NDST4: variants seen among roughly 807,000 people sequenced by gnomAD.
NDST4 encodes the protein N-heparan sulfate sulfotransferase 4.
Under a neutral mutation model 100.8 loss-of-function variants are expected in NDST4, and 63 were observed. The observed-to-expected ratio is 0.62, with a 90% CI of 0.51 to 0.77. The LOEUF is 0.77. Among genes scored for constraint, NDST4 ranks in the 30% least tolerant of loss-of-function variants. The probability of loss-of-function intolerance (pLI) is 0.00; values close to 1 mark genes in which losing one functional copy is unlikely to be tolerated. For missense variants in NDST4, 943 were observed against 1,018.4 expected (o/e 0.93, Z 1.01); for synonymous variants, 377 against 361.8 (o/e 1.04, Z -0.48).
chr4:114,906,684 T>C (rs1205429245), intron 6 of NDST4, among the ~76,000 whole-genome samples: 3 of 152,058 alleles, frequency 2.0e-5, no homozygotes, highest in Non-Finnish European at 4.4e-5. Flanking sequence ...TCTTAAGAGA[T>C]ATAGCTTATA....
chr4:115,091,828 C>T (rs483240), intron 1 of NDST4, among the ~76,000 whole-genome samples: 114,181 of 151,976 alleles, frequency 0.75, 43,672 homozygotes, highest in African/African-American at 0.88. Context: ...TTTTGAAATC[C>T]TTTCCAAAGT....
At position 114,998,833 on chromosome 4, in the gene NDST4, C is replaced by T. The variant is rs116304066; in HGVS notation, c.979-21559G>A. 5.6e-3 allele frequency among the ~76,000 whole-genome samples: 846 copies of T among 152,020 alleles called. 10 individuals carry two copies. The highest frequency in any genetic ancestry group is 0.02 in the African/African-American group (812 of 41,482). On this transcript the variant is annotated intron_variant, in intron 2 of 13. Coordinates refer to ENST00000264363, the MANE Select transcript of NDST4 (RefSeq NM_022569.3). ...GCTGGTAAATAAATTCCCTGTAGAC[C>T]TTGGGCTTGAATTTGGCTTGCCCTT...
intron 12 of NDST4, among the ~76,000 whole-genome samples, chr4:114,831,242 C>T (rs1477161890): frequency 6.7e-6 from 1 of 150,270 alleles, no homozygotes. Flanking sequence ...TTAGTAGAGA[C>T]GGGGTTTCAC....
intron 7 of NDST4, among the ~76,000 whole-genome samples, chr4:114,861,554 A>C (rs1319109166): frequency 6.6e-6 from 1 of 152,118 alleles, no homozygotes; most frequent in South Asian, 2.1e-4. Flanking sequence ...TTCTTGGTCC[A>C]TCATTAGAAT....
At chr4:115,060,609 G>C (rs1728798941) in intron 2 of NDST4, among the ~76,000 whole-genome samples, 1 of 151,808 alleles carries the variant, frequency 6.6e-6, no homozygotes. Context: ...AGGAGTAATA[G>C]GGAACTAATT....
In NDST4 at chr4:115,076,578, G is replaced by C. The variant is rs772642371; in HGVS notation, c.459C>G (p.Tyr153Ter). The change falls in exon 2 of 14, where the codon TAC (tyrosine) becomes TAG (stop). Residue 153 changes from tyrosine to a stop codon, truncating the protein, a stop_gained. Coordinates refer to ENST00000264363, the MANE Select transcript of NDST4 (RefSeq NM_022569.3). LOFTEE classifies it high-confidence loss of function. The stretch of plus-strand genomic sequence containing the variant: ...TTATACTAACACTGTATTCCACACA[G>C]TATTTTTCTAAAAGCTCTCGATTCC... ...DSWNRELLEK[Y>*]CVEYSVSIIG... The C allele has an allele frequency of 2.5e-6, 4 of 1,613,790 alleles. No homozygotes were observed. Among genetic ancestry groups the C allele is most frequent in the Middle Eastern group, 3.3e-4 (2 of 6,078 alleles).
chr4:115,078,065 T>G (rs1307449689), intron 1 of NDST4, among the ~76,000 whole-genome samples: 1 of 152,190 alleles, frequency 6.6e-6, no homozygotes, highest in African/African-American at 2.4e-5. Context: ...ATCACTTCCT[T>G]TAGTTCAAAA....
intron 2 of NDST4, among the ~76,000 whole-genome samples, chr4:114,982,463 TGA>T: frequency 6.6e-6 from 1 of 152,062 alleles, no homozygotes; most frequent in Non-Finnish European, 1.5e-5. Flanking sequence ...ACTTTGAACT[TGA>T]GAGAGATGAT....
chr4:115,028,613 T>A lies in NDST4; in HGVS notation c.978+47446A>T, dbSNP rs569062616. On this transcript the variant is annotated intron_variant, in intron 2 of 13. Coordinates refer to ENST00000264363, the MANE Select transcript of NDST4 (RefSeq NM_022569.3). The stretch of plus-strand genomic sequence containing the variant: ...AATCAAAGAAAGAGAGGAGCTACAG[T>A]AAAACAAGAGGACTGTTGTACATTT... Among the ~76,000 whole-genome samples the A allele has an allele frequency of 6.5e-4, 98 of 151,584 alleles. 1 individual carries two copies. The highest frequency in any genetic ancestry group is 2.3e-3 in the African/African-American group (94 of 41,378).
intron 2 of NDST4, among the ~76,000 whole-genome samples, chr4:115,053,868 C>G (rs1728638905): frequency 6.6e-6 from 1 of 152,050 alleles, no homozygotes. Flanking sequence ...CATACTACCT[C>G]TTCTTACACT....
chr4:114,996,895 C>T (rs1487433112), intron 2 of NDST4, among the ~76,000 whole-genome samples: 1 of 151,922 alleles, frequency 6.6e-6, no homozygotes, highest in East Asian at 1.9e-4. Flanking sequence ...ATTAAAAAGT[C>T]ATGTTTAGAA....
chr4:114,961,759 T>A (rs1021193432), intron 4 of NDST4, among the ~76,000 whole-genome samples: 14 of 151,934 alleles, frequency 9.2e-5, no homozygotes, highest in African/African-American at 2.9e-4. Flanking sequence ...CAAAAAATAA[T>A]TAATGCTTGT....
intron 4 of NDST4, among the ~76,000 whole-genome samples, chr4:114,962,445 G>A (rs960869913): frequency 2.6e-5 from 4 of 151,854 alleles, no homozygotes; most frequent in African/African-American, 9.7e-5. Flanking sequence ...AATAATAAAT[G>A]AGCTCAGCAA....
intron 4 of NDST4, among the ~76,000 whole-genome samples, chr4:114,965,908 G>A (rs570405428): frequency 9.4e-4 from 143 of 151,814 alleles, no homozygotes; most frequent in African/African-American, 3.3e-3. Flanking sequence ...CTTTCATGTT[G>A]GCCAGTGTTT....
intron 2 of NDST4, among the ~76,000 whole-genome samples, chr4:115,048,092 T>A (rs1179643140): frequency 7.0e-6 from 1 of 142,154 alleles, no homozygotes; most frequent in Non-Finnish European, 1.5e-5. Context: ...AGCAGGAAGT[T>A]TATAATTTTT....
chr4:114,843,921 AT>A (rs1472184279), intron 10 of NDST4, among the ~76,000 whole-genome samples: 2 of 152,106 alleles, frequency 1.3e-5, no homozygotes, highest in East Asian at 1.9e-4. Flanking sequence ...TGTTCTTTTG[AT>A]AATGAAGGGT....
At chr4:115,034,310 G>A (rs996996935) in intron 2 of NDST4, among the ~76,000 whole-genome samples, 1 of 152,004 alleles carries the variant, frequency 6.6e-6, no homozygotes, top group African/African-American at 2.4e-5. Flanking sequence ...AGCCGATGCC[G>A]TGTCCTCCTT....
chr4:115,031,366 C>A lies in NDST4; in HGVS notation c.978+44693G>T, dbSNP rs562303677. Among the ~76,000 whole-genome samples the A allele has an allele frequency of 7.2e-5, 11 of 152,166 alleles. No individual in the cohort carries two copies. In the South Asian group the frequency reaches 2.3e-3, roughly 32 times the overall value. On this transcript the variant is annotated intron_variant, in intron 2 of 13. Coordinates refer to ENST00000264363, the MANE Select transcript of NDST4 (RefSeq NM_022569.3). ...AGTAAAGGAGATCAATTGCTGAGAT[C>A]AATTCACTGCTTGAGTGGAATTTTT...
chr4:114,846,555 T>A (rs1043290284), intron 9 of NDST4, among the ~76,000 whole-genome samples: 5 of 152,094 alleles, frequency 3.3e-5, no homozygotes, highest in African/African-American at 1.2e-4. Flanking sequence ...CTATCTAGAG[T>A]AATTAAGGGG....
Sources: allele counts gnomAD v4.1 joint callset (sites outside exome capture counted in the v4.1 genomes callset), GRCh38; gene constraint gnomAD v4.1.1; transcripts MANE v1.5; gene names NCBI Gene and HGNC (gene_info 2026-07-23, HGNC 2026-07-21).